The following ZNF385D variants were observed in gnomAD, a reference collection of about 807,000 sequenced individuals.
ZNF385D encodes zinc finger protein 385D, also known as zinc finger protein 659.
Under a neutral mutation model 35.8 loss-of-function variants are expected in ZNF385D, and 15 were observed. The ratio of observed to expected loss-of-function variants is 0.42; its 90% CI spans 0.28 to 0.64. ZNF385D has a LOEUF of 0.64. Ranked by LOEUF, ZNF385D falls within the 30% of genes least tolerant of loss-of-function variation. ZNF385D has a pLI of 0.23. For missense variants in ZNF385D, 474 were observed against 494.6 expected (o/e 0.96, Z 0.39); for synonymous variants, 212 against 186.8 (o/e 1.13, Z -1.10).
chr3:22,179,458 G>C (rs1200097185), intron 2 of ZNF385D, among the ~76,000 whole-genome samples: 1 of 152,252 alleles, frequency 6.6e-6, no homozygotes, highest in African/African-American at 2.4e-5. Context: ...CTTTGCTGAA[G>C]TTGCTTATCG....
intron 2 of ZNF385D, among the ~76,000 whole-genome samples, chr3:22,177,766 A>T (rs1694934720): frequency 1.3e-5 from 2 of 152,054 alleles, no homozygotes; most frequent in Admixed American, 1.3e-4. Flanking sequence ...CTGGTGTGTG[A>T]TGTTCCCCTT....
At chr3:22,246,537 T>G (rs1431267601) in intron 2 of ZNF385D, among the ~76,000 whole-genome samples, 1 of 152,166 alleles carries the variant, frequency 6.6e-6, no homozygotes, top group Non-Finnish European at 1.5e-5. Context: ...TATTTTCTCT[T>G]GCTTCAAAGC....
chr3:21,749,808 C>A (rs927674646), intron 1 of ZNF385D, among the ~76,000 whole-genome samples: 3 of 152,126 alleles, frequency 2.0e-5, no homozygotes, highest in Non-Finnish European at 4.4e-5. Flanking sequence ...CTAAAGGAAA[C>A]AAAACAGAGC....
rs148417995 is a variant in ZNF385D, at chr3:22,287,825, AATTT to A, written c.106+84621_106+84624del. Among the ~76,000 whole-genome samples, 1,108 of 152,104 alleles carry A rather than the reference AATTT, an allele frequency of 7.3e-3. 14 individuals are homozygous for A. The highest frequency in any genetic ancestry group is 0.025 in the African/African-American group (1,036 of 41,548). On this transcript the variant is annotated intron_variant, in intron 2 of 5. Transcript: ENST00000494108. ...AGTATTAGAATGTTTTAAATCTAAA[AATTT>A]ATTTACTTTTATTTTGTGAGTTTTA...
At chr3:21,901,697 C>T (rs941229952) in intron 3 of ZNF385D, among the ~76,000 whole-genome samples, 7 of 152,070 alleles carry the variant, frequency 4.6e-5, no homozygotes, top group African/African-American at 1.4e-4. Context: ...TTATTTAGCA[C>T]CAAAGCTTAC....
Position 22,354,738 on chromosome 3 carries a change from C to A in ZNF385D, c.106+17712G>T, listed in dbSNP as rs76108158. Among the ~76,000 whole-genome samples the A allele has an allele frequency of 1.2e-3, 187 of 152,094 alleles. 5 individuals carry two copies. The East Asian group carries it at 0.031, about 25-fold the overall frequency. ...ACAATAACAGAGAACATCAGGAAAACATATAATCAATGACTCCTTACCAGA... is the reference window on the plus strand; with the variant it reads ...ACAATAACAGAGAACATCAGGAAAAAATATAATCAATGACTCCTTACCAGA... On this transcript the variant is annotated intron_variant, in intron 2 of 5. Coordinates refer to the ZNF385D transcript ENST00000494108.
intron 3 of ZNF385D, among the ~76,000 whole-genome samples, chr3:21,967,015 C>A (rs1702952323): frequency 6.6e-6 from 1 of 152,086 alleles, no homozygotes; most frequent in South Asian, 2.1e-4. Context: ...TAAAAGAACA[C>A]ACATAAATTA....
chr3:21,825,801 A>G (rs945656174), intron 3 of ZNF385D, among the ~76,000 whole-genome samples: 2 of 152,334 alleles, frequency 1.3e-5, no homozygotes, highest in Non-Finnish European at 2.9e-5. Context: ...GCTGCGGACC[A>G]GAACCAGTCC....
At chr3:21,991,630 A>T (rs1695155190) in intron 3 of ZNF385D, among the ~76,000 whole-genome samples, 1 of 152,226 alleles carries the variant, frequency 6.6e-6, no homozygotes, top group African/African-American at 2.4e-5. Context: ...AAGACAAAGA[A>T]CTGTATTATG....
chr3:22,298,374 A>G (rs960710047), intron 2 of ZNF385D, among the ~76,000 whole-genome samples: 5 of 143,796 alleles, frequency 3.5e-5, no homozygotes, highest in Non-Finnish European at 6.1e-5. Flanking sequence ...AGCAGTATGT[A>G]TGTGTGTGTG....
intron 3 of ZNF385D, among the ~76,000 whole-genome samples, chr3:22,066,517 G>A (rs1381241883): frequency 8.3e-6 from 1 of 121,100 alleles, no homozygotes; most frequent in Admixed American, 8.8e-5. Context: ...AAAAGATACT[G>A]GGTGAGATGG....
chr3:21,812,011 T>C (rs551872344), intron 3 of ZNF385D, among the ~76,000 whole-genome samples: 1 of 152,282 alleles, frequency 6.6e-6, no homozygotes, highest in African/African-American at 2.4e-5. Context: ...GCCAAAAAAA[T>C]CAAATTTGAA....
At chr3:21,708,417 A>G (rs934707900) in intron 1 of ZNF385D, among the ~76,000 whole-genome samples, 1 of 152,206 alleles carries the variant, frequency 6.6e-6, no homozygotes, top group Admixed American at 6.5e-5. Context: ...ATTTAAACTC[A>G]GGTAAACTCA....
At chr3:21,698,002 T>C (rs1182125615) in intron 1 of ZNF385D, among the ~76,000 whole-genome samples, 1 of 152,136 alleles carries the variant, frequency 6.6e-6, no homozygotes, top group African/African-American at 2.4e-5. Flanking sequence ...TTGGTGGGAA[T>C]GTAAATTAGT....
chr3:21,470,760 T>C (rs1387940233), intron 4 of ZNF385D, among the ~76,000 whole-genome samples: 3 of 152,060 alleles, frequency 2.0e-5, no homozygotes, highest in Admixed American at 1.3e-4. Flanking sequence ...AAAATATACA[T>C]ATATTTTGAG....
intron 2 of ZNF385D, among the ~76,000 whole-genome samples, chr3:21,647,721 A>G (rs2065794941): frequency 6.6e-6 from 1 of 152,134 alleles, no homozygotes; most frequent in South Asian, 2.1e-4. Context: ...TAATTTCTTA[A>G]AGCACATCAC....
chr3:21,766,338 C>A (rs1437040658), intron 3 of ZNF385D, among the ~76,000 whole-genome samples: 1 of 152,074 alleles, frequency 6.6e-6, no homozygotes, highest in Non-Finnish European at 1.5e-5. Flanking sequence ...AGAACATTTA[C>A]TTTTGACACA....
At chr3:21,929,789 G>T (rs932567021) in intron 3 of ZNF385D, among the ~76,000 whole-genome samples, 18 of 152,052 alleles carry the variant, frequency 1.2e-4, no homozygotes, top group Admixed American at 5.9e-4. Context: ...AAATAATACT[G>T]TAAGAAATTA....
chr3:22,198,831 C>T (rs1249484691), intron 2 of ZNF385D, among the ~76,000 whole-genome samples: 2 of 152,050 alleles, frequency 1.3e-5, no homozygotes, highest in Non-Finnish European at 2.9e-5. Context: ...TTAGATTTCA[C>T]CACTTCTTTT....
Sources: gnomAD v4.1 joint callset for allele counts (sites outside exome capture counted in the v4.1 genomes callset) on GRCh38, gnomAD v4.1.1 for gene constraint, MANE v1.5 for transcripts, NCBI Gene and HGNC (gene_info 2026-07-23, HGNC 2026-07-21) for gene names.